BBX: variants seen among roughly 807,000 people sequenced by gnomAD.
BBX encodes the protein HMG box transcription factor BBX.
Under a neutral mutation model 100.2 loss-of-function variants are expected in BBX, and 30 were observed. The observed-to-expected ratio is 0.30, with a 90% confidence interval of 0.22 to 0.41. The LOEUF is 0.41. Ranked by LOEUF, BBX falls within the 10% of genes least tolerant of loss-of-function variation. The pLI, the probability that BBX is intolerant of heterozygous loss-of-function variation, is 1.00. For synonymous variants in BBX, 376 were observed against 388.1 expected (o/e 0.97, Z 0.37); for missense variants, 1,023 against 1,129.8 (o/e 0.91, Z 1.35).
At chr3:107,779,004 T>TATATATAC (rs2067575299) in intron 13 of BBX, among the ~76,000 whole-genome samples, 1 of 70,450 alleles carries the variant, frequency 1.4e-5, no homozygotes, top group Non-Finnish European at 3.3e-5. Context: ...CATATATATA[T>TATATATAC]ATATATATAT....
chr3:107,575,996 A>G (rs2107532204), intron 2 of BBX, among the ~76,000 whole-genome samples: 1 of 152,346 alleles, frequency 6.6e-6, no homozygotes, highest in African/African-American at 2.4e-5. Context: ...TGACTGTGCC[A>G]TTGCCTTCCA....
intron 4 of BBX, among the ~76,000 whole-genome samples, chr3:107,714,970 G>A (rs1039554750): frequency 1.3e-5 from 2 of 152,064 alleles, no homozygotes; most frequent in Admixed American, 6.6e-5. Context: ...ATTTTTAGTA[G>A]AGACAGGGCT....
At chr3:107,558,907 G>A (rs1031478962) in intron 2 of BBX, among the ~76,000 whole-genome samples, 3 of 152,230 alleles carry the variant, frequency 2.0e-5, no homozygotes, top group Admixed American at 6.5e-5. Flanking sequence ...GCTTCTGACC[G>A]GGGGGAAAAC....
chr3:107,765,845 T>C (rs534180683), intron 10 of BBX, among the ~76,000 whole-genome samples: 129 of 152,326 alleles, frequency 8.5e-4, no homozygotes, highest in African/African-American at 3.0e-3. Flanking sequence ...TGTTACTACA[T>C]TCATAGCTGT....
At chr3:107,704,976 A>G (rs1184717175) in intron 3 of BBX, among the ~76,000 whole-genome samples, 1 of 152,150 alleles carries the variant, frequency 6.6e-6, no homozygotes, top group Admixed American at 6.5e-5. Flanking sequence ...GAGAAGGAGA[A>G]AGGCTTCAAA....
intron 5 of BBX, among the ~76,000 whole-genome samples, chr3:107,717,911 A>C (rs1336510447): frequency 1.3e-5 from 2 of 152,046 alleles, no homozygotes; most frequent in Non-Finnish European, 2.9e-5. Context: ...CCTGTCACCC[A>C]AACACTTGGT....
At chr3:107,527,619 AT>A (rs1330421122) in intron 2 of BBX, among the ~76,000 whole-genome samples, 1 of 152,222 alleles carries the variant, frequency 6.6e-6, no homozygotes, top group African/African-American at 2.4e-5. Flanking sequence ...AGAACTTTAG[AT>A]AATCTGTATA....
rs182954956 is a variant in BBX at position 107,537,775 on chromosome 3, G to T, written c.-84+11377G>T. ...TCAGTTTTATTTGTGGCCCTTATTTGACTGGTCACTTCTGGACATCAGCCC... is the reference window on the plus strand; with the variant it reads ...TCAGTTTTATTTGTGGCCCTTATTTTACTGGTCACTTCTGGACATCAGCCC... On this transcript the variant is annotated intron_variant, in intron 2 of 17. Coordinates refer to ENST00000325805, the MANE Select transcript of BBX (RefSeq NM_001142568.3). Among the ~76,000 whole-genome samples the T allele has an allele frequency of 1.2e-3, 183 of 152,222 alleles. No homozygotes were observed. The Middle Eastern group carries it at 0.02, about 17-fold the overall frequency.
chr3:107,731,843 G>A lies in BBX; in HGVS notation c.602-1113G>A, dbSNP rs73208527. Among the ~76,000 whole-genome samples, 1,442 of 152,152 alleles carry A rather than the reference G, an allele frequency of 9.5e-3. 9 individuals carry two copies. The highest frequency in any genetic ancestry group is 0.015 in the South Asian group (74 of 4,828). ...AGAAAAGAAACAACTGAATTTCTTT[G>A]TGCAACATTTTGACTGATCCTCATT... On this transcript the variant is annotated intron_variant, in intron 6 of 17. Coordinates refer to ENST00000325805, the MANE Select transcript of BBX (RefSeq NM_001142568.3).
chr3:107,789,992 T>TGATGGCACTGAA, intron 14 of BBX, 116 bp downstream of exon 14: 1 of 702,584 alleles, frequency 1.4e-6, no homozygotes, highest in Non-Finnish European at 2.3e-6. Flanking sequence ...CTTGCTTCAG[T>TGATGGCACTGAA]GCCATCAGCT....
At chr3:107,764,009 T>C (rs2107724752) in intron 10 of BBX, among the ~76,000 whole-genome samples, 1 of 152,320 alleles carries the variant, frequency 6.6e-6, no homozygotes, top group South Asian at 2.1e-4. Context: ...TTGCCGTTTT[T>C]TGAGATGGAG....
intron 2 of BBX, among the ~76,000 whole-genome samples, chr3:107,582,720 C>T (rs754680516): frequency 6.6e-6 from 1 of 151,958 alleles, no homozygotes; most frequent in Non-Finnish European, 1.5e-5. Context: ...AGTTAGTATG[C>T]TTATGAGTTT....
intron 3 of BBX, among the ~76,000 whole-genome samples, chr3:107,683,172 C>T (rs2059658643): frequency 6.6e-6 from 1 of 152,014 alleles, no homozygotes; most frequent in African/African-American, 2.4e-5. Flanking sequence ...ATAAATGTTA[C>T]TGTAAATGCA....
intron 2 of BBX, among the ~76,000 whole-genome samples, chr3:107,544,815 C>A (rs1282361853): frequency 6.9e-6 from 1 of 145,980 alleles, no homozygotes; most frequent in Non-Finnish European, 1.5e-5. Context: ...ACCATCCTGG[C>A]TAACACAGTG....
At chr3:107,731,038 A>G (rs1382685725) in intron 6 of BBX, among the ~76,000 whole-genome samples, 1 of 152,208 alleles carries the variant, frequency 6.6e-6, no homozygotes, top group African/African-American at 2.4e-5. Context: ...TACCAAATGT[A>G]TGATATCCAA....
chr3:107,605,687 T>C (rs1296512880), intron 2 of BBX, among the ~76,000 whole-genome samples: 11 of 152,208 alleles, frequency 7.2e-5, no homozygotes, highest in African/African-American at 1.7e-4. Flanking sequence ...ATGAGAACTT[T>C]TGCATATAAA....
At chr3:107,745,972 A>G (rs143384040) in intron 8 of BBX, among the ~76,000 whole-genome samples, 66 of 152,254 alleles carry the variant, frequency 4.3e-4, no homozygotes, top group African/African-American at 1.5e-3. Flanking sequence ...TATTGCTTTT[A>G]TATAAAAGGT....
intron 2 of BBX, among the ~76,000 whole-genome samples, chr3:107,568,016 TA>T (rs943765900): frequency 2.6e-3 from 366 of 143,418 alleles, no homozygotes; most frequent in East Asian, 7.2e-3. Context: ...TCAGGTTGAT[TA>T]AAAAAAAAAA....
At chr3:107,805,269 C>T (rs1275576927) in intron 17 of BBX, 101 bp from the exon 18 acceptor site, 2 of 1,250,190 alleles carry the variant, frequency 1.6e-6, no homozygotes, top group Non-Finnish European at 2.2e-6. Flanking sequence ...ACAGCAGTAA[C>T]TGTTAAACAA....
Sources: allele counts gnomAD v4.1 joint callset (sites outside exome capture counted in the v4.1 genomes callset), GRCh38; gene constraint gnomAD v4.1.1; transcripts MANE v1.5; gene names NCBI Gene and HGNC (gene_info 2026-07-23, HGNC 2026-07-21).